The following KSR1 variants were observed in gnomAD, a reference collection of about 807,000 sequenced individuals.
The protein encoded by KSR1 is kinase suppressor of ras 1.
KSR1 carries 35 observed loss-of-function variants against 92.9 expected under a neutral mutation model. That is an observed-to-expected ratio of 0.38 (90% CI 0.29 to 0.50). KSR1 has a LOEUF of 0.50. Among genes scored for constraint, KSR1 ranks in the 20% least tolerant of loss-of-function variants. The pLI is 0.94. For synonymous variants in KSR1, 467 were observed against 472.6 expected (o/e 0.99, Z 0.15); for missense variants, 972 against 1,158.5 (o/e 0.84, Z 2.34).
intron 1 of KSR1, among the ~76,000 whole-genome samples, chr17:27,531,906 A>G (rs2070554135): frequency 1.3e-5 from 2 of 152,366 alleles, no homozygotes; most frequent in South Asian, 4.1e-4. Flanking sequence ...AAATAAAAAT[A>G]GGGAACCAGC....
In KSR1 at chr17:27,582,417, G is replaced by T. The variant is rs187151764; in HGVS notation, c.521-229G>T. Among the ~76,000 whole-genome samples the T allele has an allele frequency of 1.4e-3, 211 of 152,264 alleles. 3 individuals are homozygous for T. The highest frequency in any genetic ancestry group is 3.8e-4 in the Non-Finnish European group (26 of 68,026). On this transcript the variant is annotated intron_variant, in intron 3 of 20. Coordinates refer to ENST00000644974, the MANE Select transcript of KSR1 (RefSeq NM_001394583.1). ...TTGGATTTTGGATTTTCAGATTAGG[G>T]ATGCTCAACCTGTGGTAGTATCTGC...
chr17:27,518,266 G>A (rs900297980), intron 1 of KSR1, among the ~76,000 whole-genome samples: 1 of 152,174 alleles, frequency 6.6e-6, no homozygotes, highest in Non-Finnish European at 1.5e-5. Context: ...AAACAGCTTG[G>A]ATGGATTAGC....
intron 1 of KSR1, among the ~76,000 whole-genome samples, chr17:27,485,891 G>T (rs1237798605): frequency 6.6e-6 from 1 of 152,138 alleles, no homozygotes; most frequent in African/African-American, 2.4e-5. Context: ...CTCCCCCGAG[G>T]ATTGAAAGAG....
At chr17:27,501,741 C>T (rs568167654) in intron 1 of KSR1, among the ~76,000 whole-genome samples, 5 of 152,326 alleles carry the variant, frequency 3.3e-5, no homozygotes, top group African/African-American at 7.2e-5. Flanking sequence ...TCAAAAGATC[C>T]GCCTGCCTCG....
intron 1 of KSR1, among the ~76,000 whole-genome samples, chr17:27,495,494 C>T (rs1041349048): frequency 6.6e-6 from 1 of 152,144 alleles, no homozygotes; most frequent in African/African-American, 2.4e-5. Flanking sequence ...TAGGCCCAGT[C>T]CCTTAGTATC....
chr17:27,601,829 C>A (rs1046142189), intron 11 of KSR1: 2 of 1,197,676 alleles, frequency 1.7e-6, no homozygotes, highest in African/African-American at 3.1e-5. Flanking sequence ...GAAGTAGAAA[C>A]CCATTTGGGA....
chr17:27,469,144 C>T (rs1333771649), intron 1 of KSR1, among the ~76,000 whole-genome samples: 2 of 152,142 alleles, frequency 1.3e-5, no homozygotes, highest in South Asian at 4.1e-4. Context: ...GCCTGGAACC[C>T]GGATCCAGCA....
intron 1 of KSR1, among the ~76,000 whole-genome samples, chr17:27,517,992 G>A (rs2069869365): frequency 6.6e-6 from 1 of 152,238 alleles, no homozygotes; most frequent in Non-Finnish European, 1.5e-5. Context: ...AGGACCTGCT[G>A]TATGCCACCA....
chr17:27,497,507 C>T (rs1015987757), intron 1 of KSR1, among the ~76,000 whole-genome samples: 1 of 152,214 alleles, frequency 6.6e-6, no homozygotes, highest in African/African-American at 2.4e-5. Flanking sequence ...AATGTGACCT[C>T]CCTTTCTAAA....
At chr17:27,610,428 A>G (rs1163585279) in intron 17 of KSR1, among the ~76,000 whole-genome samples, 1 of 152,212 alleles carries the variant, frequency 6.6e-6, no homozygotes, top group Non-Finnish European at 1.5e-5. Context: ...GCTCCTCCCA[A>G]CAAGGTCATT....
intron 3 of KSR1, among the ~76,000 whole-genome samples, chr17:27,580,645 G>T (rs1002669341): frequency 1.3e-5 from 2 of 152,144 alleles, no homozygotes; most frequent in Non-Finnish European, 2.9e-5. Flanking sequence ...AGTGTCTGTG[G>T]CCTCCCTGAG....
At chr17:27,601,162 T>C (rs2073542186) in intron 10 of KSR1, 198 bp from the exon 11 acceptor site, 5 of 586,766 alleles carry the variant, frequency 8.5e-6, no homozygotes, top group Non-Finnish European at 1.2e-5. Context: ...TCCTGCAGAC[T>C]CCTGCCAGGG....
chr17:27,582,842 C>G lies in KSR1; in HGVS notation c.717C>G (p.Pro239=), dbSNP rs567845159. The G allele has an allele frequency of 2.9e-4, 469 of 1,613,590 alleles. 3 individuals are homozygous for G. In the East Asian group the frequency reaches 0.01, roughly 35 times the overall value. ...CAGCTCTGCCCGCCTCAGACTCCCC[C>G]ACCCCCAGCTTCAGTGAGGGCCTCT... ...SVSALPASDS[P]TPSFSEGLSD... The change falls in exon 4 of 21, where the codon CCC becomes CCG. Residue 239 remains proline, a synonymous_variant. Transcript: ENST00000644974.
At chr17:27,540,392 G>A (rs1051778158) in intron 1 of KSR1, among the ~76,000 whole-genome samples, 1 of 152,202 alleles carries the variant, frequency 6.6e-6, no homozygotes, top group African/African-American at 2.4e-5. Context: ...TCCCAGCTGT[G>A]GCCGTTCTCA....
rs762669057 is a variant in KSR1, at chr17:27,610,124, T to A, written c.2283T>A (p.Ile761=). 4.5e-5 allele frequency: 73 copies of A among 1,613,894 alleles called. No homozygotes were observed. The Middle Eastern group carries it at 6.6e-4, about 15-fold the overall frequency. Residue 761 remains isoleucine (I), a synonymous_variant, in exon 17 of 21, where the codon ATT becomes ATA. Coordinates refer to ENST00000644974, the MANE Select transcript of KSR1 (RefSeq NM_001394583.1). ...GGCTGTGCTATCTGGCCCCTGAGAT[T>A]GTACGCGAGATGACCCCCGGGAAGG... ...HDWLCYLAPE[I]VREMTPGKDE...
chr17:27,463,561 G>A (rs1272848948), intron 1 of KSR1, among the ~76,000 whole-genome samples: 1 of 151,964 alleles, frequency 6.6e-6, no homozygotes, highest in Non-Finnish European at 1.5e-5. Flanking sequence ...GTGGTTGCTT[G>A]TGTCTGAGGT....
At chr17:27,521,187 A>C (rs540034979) in intron 1 of KSR1, among the ~76,000 whole-genome samples, 1 of 152,102 alleles carries the variant, frequency 6.6e-6, no homozygotes, top group Non-Finnish European at 1.5e-5. Flanking sequence ...AGGCATCTCT[A>C]TATGTATACC....
intron 1 of KSR1, among the ~76,000 whole-genome samples, chr17:27,505,809 A>G (rs1191894279): frequency 1.3e-5 from 2 of 152,242 alleles, no homozygotes; most frequent in South Asian, 2.1e-4. Context: ...AGGGGTTGCC[A>G]TCAACCATGC....
intron 1 of KSR1, among the ~76,000 whole-genome samples, chr17:27,507,293 C>T (rs2069420705): frequency 6.6e-6 from 1 of 151,902 alleles, no homozygotes; most frequent in Non-Finnish European, 1.5e-5. Context: ...ATTAGCCAGG[C>T]CTGGTGGCAG....
Sources: gnomAD v4.1 joint callset for allele counts (sites outside exome capture counted in the v4.1 genomes callset) on GRCh38, gnomAD v4.1.1 for gene constraint, MANE v1.5 for transcripts, NCBI Gene and HGNC (gene_info 2026-07-23, HGNC 2026-07-21) for gene names.